Variants in BUB1 observed in about 807,000 individuals in gnomAD.
BUB1 encodes BUB1 mitotic checkpoint serine/threonine kinase.
In BUB1, 84 loss-of-function variants were observed where a neutral mutation model predicts 135.2. The ratio of observed to expected loss-of-function variants is 0.62; its 90% CI spans 0.52 to 0.74. The LOEUF is 0.74. Among genes scored for constraint, BUB1 ranks in the 30% least tolerant of loss-of-function variants. BUB1 has a pLI of 0.00. For synonymous variants in BUB1, 403 were observed against 434.4 expected (o/e 0.93, Z 0.90); for missense variants, 1,162 against 1,288.3 (o/e 0.90, Z 1.50).
Position 110,667,541 on chromosome 2 carries a change from C to T in BUB1, c.785G>A (p.Arg262Gln), listed in dbSNP as rs758951021. 6.2e-6 allele frequency: 10 copies of T among 1,612,604 alleles called. No individual in the cohort carries two copies. The highest frequency in any genetic ancestry group is 1.6e-4 in the Middle Eastern group (1 of 6,076). Residue 262 changes from arginine to glutamine, a missense_variant, in exon 8 of 25, where the codon CGG (arginine) becomes CAG (glutamine). Arg to Gln is a conservative substitution (Grantham distance 43). Transcript: ENST00000302759. ...AGTACCCCATTGCTCATGCTTTCTCCGTTGATTGTATTTCTGGGCTCTCAA... is the reference window on the plus strand; with the variant it reads ...AGTACCCCATTGCTCATGCTTTCTCTGTTGATTGTATTTCTGGGCTCTCAA... ...EELRAQKYNQRRKHEQWVNED... is the reference protein window; with the variant it reads ...EELRAQKYNQQRKHEQWVNED...
At chr2:110,643,847 G>C (rs1485055052) in intron 19 of BUB1, among the ~76,000 whole-genome samples, 3 of 151,582 alleles carry the variant, frequency 2.0e-5, no homozygotes, top group African/African-American at 4.8e-5. Context: ...ACATGCTAAG[G>C]GTTCTAATGA....
At chr2:110,662,019 C>CA in intron 9 of BUB1, 178 bp from the exon 10 acceptor site, 1 of 692,586 alleles carries the variant, frequency 1.4e-6, no homozygotes, top group Non-Finnish European at 2.3e-6. Flanking sequence ...ACAAAAAGAC[C>CA]ACTCTACAAA....
Position 110,674,374 on chromosome 2 carries a change from G to C in BUB1, c.27-9C>G, listed in dbSNP as rs201787283. The C allele has an allele frequency of 8.5e-4, 1,376 of 1,613,614 alleles. 20 individuals carry two copies. The South Asian group carries it at 0.014, about 16-fold the overall frequency. On this transcript the variant is annotated splice_polypyrimidine_tract_variant and intron_variant, in intron 1 of 24. Transcript: ENST00000302759. ...TGTGGGCTTCAAGCATCCTAGAAGA[G>C]AGAAAGGTATGCACATGGGATATTA...
At position 110,641,291 on chromosome 2, in the gene BUB1, A is replaced by G. The variant is rs1321069642; in HGVS notation, c.2783+16T>C. On this transcript the variant is annotated intron_variant, in intron 22 of 24. Coordinates refer to ENST00000302759, the MANE Select transcript of BUB1 (RefSeq NM_004336.5). ...AAATAGGAAGAGAAGAACCCTGTTA[A>G]AAGCATAACACTTGCCCGTTTCCAA... 26 of 1,597,018 alleles carry G rather than the reference A, an allele frequency of 1.6e-5. No individual in the cohort carries two copies. The highest frequency in any genetic ancestry group is 2.3e-5 in the South Asian group (2 of 88,352).
At chr2:110,656,917 G>A in intron 15 of BUB1, 119 bp downstream of exon 15, 1 of 589,710 alleles carries the variant, frequency 1.7e-6, no homozygotes, top group Non-Finnish European at 2.8e-6. Context: ...TTCTTCCTAT[G>A]TTTCATAGTT....
At chr2:110,663,207 G>GAAGCGGAGGTTGCAGT (rs1690147160) in intron 9 of BUB1, among the ~76,000 whole-genome samples, 1 of 152,112 alleles carries the variant, frequency 6.6e-6, no homozygotes, top group Admixed American at 6.5e-5. Context: ...TTGAACCCAG[G>GAAGCGGAGGTTGCAGT]AAGCGGAGGT....
chr2:110,647,439 T>C (rs1003918983), intron 19 of BUB1, among the ~76,000 whole-genome samples: 1 of 152,140 alleles, frequency 6.6e-6, no homozygotes, highest in Non-Finnish European at 1.5e-5. Context: ...AACACTTAAT[T>C]AATTAATTTC....
chr2:110,646,454 T>A (rs1450220777), intron 19 of BUB1, among the ~76,000 whole-genome samples: 3 of 152,142 alleles, frequency 2.0e-5, no homozygotes, highest in African/African-American at 2.4e-5. Context: ...AATGGTAGCA[T>A]CAATCAATTG....
intron 19 of BUB1, among the ~76,000 whole-genome samples, chr2:110,644,875 G>A (rs971457554): frequency 3.9e-5 from 6 of 152,060 alleles, no homozygotes; most frequent in Non-Finnish European, 8.8e-5. Context: ...TAGTTGTGAT[G>A]TATATTGCAA....
intron 9 of BUB1, among the ~76,000 whole-genome samples, chr2:110,663,769 C>A (rs943801020): frequency 2.6e-5 from 4 of 152,182 alleles, no homozygotes; most frequent in Admixed American, 6.5e-5. Context: ...TGGCTCAAGC[C>A]TGTAATCCCA....
intron 4 of BUB1, 151 bp downstream of exon 4, chr2:110,672,510 A>T (rs1690449221): frequency 6.3e-6 from 4 of 631,142 alleles, no homozygotes; most frequent in Admixed American, 3.9e-5. Flanking sequence ...AATATTTCTG[A>T]GCAGTTTTTT....
intron 4 of BUB1, among the ~76,000 whole-genome samples, chr2:110,671,122 C>G (rs956511469): frequency 6.6e-6 from 1 of 152,170 alleles, no homozygotes; most frequent in Non-Finnish European, 1.5e-5. Context: ...AAAGTGCACA[C>G]TATAAAGCAA....
chr2:110,643,060 T>C (rs909243675), intron 19 of BUB1, among the ~76,000 whole-genome samples: 18 of 152,214 alleles, frequency 1.2e-4, no homozygotes, highest in African/African-American at 3.6e-4. Flanking sequence ...TGTAAAGTAG[T>C]AGATTTCTGG....
In BUB1 at chr2:110,641,877, C is replaced by A. The variant is rs965378193; in HGVS notation, c.2464-74G>T. 352 of 1,473,388 alleles carry A rather than the reference C, an allele frequency of 2.4e-4. 1 individual carries two copies. Among genetic ancestry groups the A allele is most frequent in the Non-Finnish European group, 2.9e-4 (314 of 1,086,476 alleles). 91.3% of individuals were successfully genotyped at this position (1,473,388 alleles called of 1,614,324 possible). ...ATGATAGCAATAAAGCAACCTCTAT[C>A]CCAATAAAAGATGTGGTGTTGATAG... On this transcript the variant is annotated intron_variant, in intron 20 of 24. Transcript: ENST00000302759.
intron 4 of BUB1, among the ~76,000 whole-genome samples, chr2:110,672,089 T>C (rs901004664): frequency 1.1e-4 from 16 of 152,106 alleles, no homozygotes; most frequent in African/African-American, 3.9e-4. Flanking sequence ...TAGCTGGGCA[T>C]GGTGGCACGT....
At position 110,638,012 on chromosome 2, in the gene BUB1, A is replaced by C; in HGVS notation, c.3210T>G (p.Arg1070=). The change falls in exon 25 of 25, where the codon CGT becomes CGG. Residue 1070 remains arginine, a synonymous_variant. Transcript: ENST00000302759. ...QHYTNKIRAL[R]NRLIVLLLEC... Reference sequence around the variant, plus strand: ...CTAAGAGCAGTACAATTAGCCTATTACGTAGGGCCCTAATCTTGTTAGTAT... The same window carrying C: ...CTAAGAGCAGTACAATTAGCCTATTCCGTAGGGCCCTAATCTTGTTAGTAT... 1 of 1,594,884 alleles carries C rather than the reference A, an allele frequency of 6.3e-7. No individual in the cohort carries two copies. Among genetic ancestry groups the C allele is most frequent in the East Asian group, 2.3e-5 (1 of 44,358 alleles).
At position 110,674,160 on chromosome 2, in the gene BUB1, G is replaced by A. The variant is rs370689941; in HGVS notation, c.151C>T (p.His51Tyr). ...TTATCTAAAAATTCCTTCATTAAATGTTCTAGTAAAGTTATCAAGTATTCT... is the reference window on the plus strand; with the variant it reads ...TTATCTAAAAATTCCTTCATTAAATATTCTAGTAAAGTTATCAAGTATTCT... ...NKEYLITLLE[H>Y]LMKEFLDKKK... is the part of the protein sequence containing the mutation. The change falls in exon 3 of 25, where the codon CAT (histidine) becomes TAT (tyrosine). Residue 51 changes from histidine to tyrosine, a missense_variant. Coordinates refer to ENST00000302759, the MANE Select transcript of BUB1 (RefSeq NM_004336.5). 1 of 1,587,268 alleles carries A rather than the reference G, an allele frequency of 6.3e-7. No individual in the cohort carries two copies. The highest frequency in any genetic ancestry group is 1.1e-5 in the South Asian group (1 of 90,152).
Position 110,637,847 on chromosome 2 carries a change from C to T in BUB1, c.*117G>A. ...AACAACTAAGTTACATGGAAATATT[C>T]CATGGGATTTATTTTTAACAAACAT... On this transcript the variant is annotated 3_prime_UTR_variant, in exon 25 of 25. Transcript: ENST00000302759. The T allele has an allele frequency of 1.3e-6, 1 of 762,014 alleles. No homozygotes were observed. Among genetic ancestry groups the T allele is most frequent in the Non-Finnish European group, 1.9e-6 (1 of 532,054 alleles). The allele number at this position is 762,014 out of a possible 1,614,324, so 47.2% of individuals were successfully genotyped here.
intron 1 of BUB1, among the ~76,000 whole-genome samples, chr2:110,676,169 G>C (rs541221591): frequency 6.6e-6 from 1 of 151,576 alleles, no homozygotes; most frequent in East Asian, 1.9e-4. Flanking sequence ...TTTAGAAGCT[G>C]AGAAAAAAAC....
Sources: gnomAD v4.1 joint callset for allele counts (sites outside exome capture counted in the v4.1 genomes callset) on GRCh38, gnomAD v4.1.1 for gene constraint, MANE v1.5 for transcripts, NCBI Gene and HGNC (gene_info 2026-07-23, HGNC 2026-07-21) for gene names.